The following ALG6 variants were observed in gnomAD, a reference collection of about 807,000 sequenced individuals.
ALG6 encodes dolichyl pyrophosphate Man9GlcNAc2 alpha-1,3-glucosyltransferase.
In ALG6, 46 loss-of-function variants were observed where a neutral mutation model predicts 66.6. The ratio of observed to expected loss-of-function variants is 0.69; its 90% CI spans 0.55 to 0.88. ALG6 has a LOEUF of 0.88. Among genes scored for constraint, ALG6 ranks in the 40% least tolerant of loss-of-function variants. ALG6 has a pLI of 0.00. For synonymous variants in ALG6, 185 were observed against 203.7 expected, an observed-to-expected ratio of 0.91 and a Z score of 0.78; for missense variants, 505 against 586.8, an observed-to-expected ratio of 0.86 and a Z score of 1.44.
At chr1:63,387,568 G>A (rs1359654392) in intron 2 of ALG6, among the ~76,000 whole-genome samples, 2 of 78,066 alleles carry the variant, frequency 2.6e-5, no homozygotes, top group Non-Finnish European at 4.6e-5. Flanking sequence ...TTGAGACAGA[G>A]TCTTGCTCTG....
chr1:63,402,686 C>G (rs1644471126), intron 4 of ALG6, among the ~76,000 whole-genome samples: 1 of 150,086 alleles, frequency 6.7e-6, no homozygotes, highest in Non-Finnish European at 1.5e-5. Flanking sequence ...AAGCTGGTCT[C>G]AAACTCCTGA....
In ALG6 at chr1:63,418,914, T is replaced by A. The variant is rs147020413; in HGVS notation, c.988-456T>A. On this transcript the variant is annotated intron_variant, in intron 11 of 14. Coordinates refer to ENST00000263440, the MANE Select transcript of ALG6 (RefSeq NM_013339.4). The stretch of plus-strand genomic sequence containing the variant: ...ACTTCTCAAAATAGATAATTTTTTT[T>A]AAACTCTAAATAGCACATTATTAAT... 7.6e-3 allele frequency among the ~76,000 whole-genome samples: 1,155 copies of A among 152,338 alleles called. 11 individuals are homozygous for A. Among genetic ancestry groups the A allele is most frequent in the African/African-American group, 0.024 (1,018 of 41,576 alleles).
At chr1:63,428,077 T>A (rs907250348) in intron 12 of ALG6, among the ~76,000 whole-genome samples, 2 of 152,154 alleles carry the variant, frequency 1.3e-5, no homozygotes, top group African/African-American at 4.8e-5. Context: ...ACCAAAGTAC[T>A]GGGATTACAG....
intron 3 of ALG6, 30 bp from the exon 4 acceptor site, chr1:63,402,224 A>G: frequency 7.8e-7 from 1 of 1,286,516 alleles, no homozygotes; most frequent in Non-Finnish European, 1.1e-6. Context: ...GATTAACGGA[A>G]TGGTGCTTTC....
At position 63,396,691 on chromosome 1, in the gene ALG6, G is replaced by A. The variant is rs1030547316; in HGVS notation, c.167+94G>A. Reference sequence around the variant, plus strand: ...GACAACACGCTATTTTCTTCATCTTGAACATCCTCATCTCTTGCATGCTGG... The same window carrying A: ...GACAACACGCTATTTTCTTCATCTTAAACATCCTCATCTCTTGCATGCTGG... On this transcript the variant is annotated intron_variant, in intron 3 of 14. Transcript: ENST00000263440. The A allele has an allele frequency of 2.7e-6, 3 of 1,106,786 alleles. No individual in the cohort carries two copies. The Admixed American group carries it at 5.6e-5, about 21-fold the overall frequency. The allele number at this position is 1,106,786 out of a possible 1,614,324, so 68.6% of individuals were successfully genotyped here. A position where few individuals can be genotyped will look rare whatever the true frequency, so the allele number is the denominator to read the frequency against.
At chr1:63,419,134 A>G (rs1644560636) in intron 11 of ALG6, among the ~76,000 whole-genome samples, 1 of 152,172 alleles carries the variant, frequency 6.6e-6, no homozygotes, top group African/African-American at 2.4e-5. Context: ...TAACTGAGTT[A>G]TGATGAACTT....
At chr1:63,390,351 G>A (rs66462357) in intron 2 of ALG6, among the ~76,000 whole-genome samples, 5,725 of 152,224 alleles carry the variant, frequency 0.038, 125 homozygotes, top group Non-Finnish European at 0.045. Context: ...ACTCTGCCTG[G>A]TACCTTATTT....
At chr1:63,371,143 A>G (rs1410773420) in intron 2 of ALG6, 84 bp downstream of exon 2, 2 of 910,750 alleles carry the variant, frequency 2.2e-6, no homozygotes, top group Admixed American at 3.5e-5. Flanking sequence ...CCATTTTCTG[A>G]CCAGTACAGA....
chr1:63,411,560 T>C (rs1166690672), intron 8 of ALG6, among the ~76,000 whole-genome samples: 1 of 152,178 alleles, frequency 6.6e-6, no homozygotes, highest in East Asian at 1.9e-4. Flanking sequence ...GTAGTGTGGA[T>C]TGGGTAGTTA....
At chr1:63,415,828 A>T (rs1210873989) in intron 10 of ALG6, 45 bp from the exon 11 acceptor site, 1 of 1,264,132 alleles carries the variant, frequency 7.9e-7, no homozygotes, top group Non-Finnish European at 1.1e-6. Flanking sequence ...CTAGATTTAT[A>T]CCTCTACAAA....
chr1:63,385,450 A>C (rs906879588), intron 2 of ALG6, among the ~76,000 whole-genome samples: 19 of 151,764 alleles, frequency 1.3e-4, no homozygotes, highest in Admixed American at 1.2e-3. Context: ...TGACCTTGTG[A>C]TCTGCCCATC....
chr1:63,372,572 A>G (rs1647966141), intron 2 of ALG6, among the ~76,000 whole-genome samples: 1 of 152,018 alleles, frequency 6.6e-6, no homozygotes, highest in South Asian at 2.1e-4. Context: ...ATATATGGAT[A>G]TACACAGACA....
chr1:63,393,627 G>A (rs568983867), intron 2 of ALG6, among the ~76,000 whole-genome samples: 4 of 152,288 alleles, frequency 2.6e-5, no homozygotes, highest in Non-Finnish European at 5.9e-5. Context: ...GGAATAAGAA[G>A]CATGAACAGA....
chr1:63,394,369 C>CT (rs902485761), intron 2 of ALG6, among the ~76,000 whole-genome samples: 61 of 149,968 alleles, frequency 4.1e-4, no homozygotes, highest in South Asian at 1.3e-3. Flanking sequence ...AGCTTTACAT[C>CT]TTTTTTTTTT....
intron 4 of ALG6, among the ~76,000 whole-genome samples, chr1:63,403,347 C>T (rs1361899421): frequency 1.3e-5 from 2 of 151,960 alleles, no homozygotes; most frequent in African/African-American, 4.8e-5. Context: ...AAGTTAGAAA[C>T]TAGAATAATT....
At chr1:63,408,955 T>C (rs531761798) in intron 7 of ALG6, among the ~76,000 whole-genome samples, 9 of 152,270 alleles carry the variant, frequency 5.9e-5, no homozygotes, top group African/African-American at 2.2e-4. Context: ...AATTTTTGTA[T>C]TTTTAGTAGA....
At chr1:63,394,065 T>A (rs556252584) in intron 2 of ALG6, among the ~76,000 whole-genome samples, 1 of 152,250 alleles carries the variant, frequency 6.6e-6, no homozygotes, top group Non-Finnish European at 1.5e-5. Context: ...TCTTAGAGAT[T>A]ATAGCGTTTA....
intron 2 of ALG6, among the ~76,000 whole-genome samples, chr1:63,394,835 A>G (rs1026631210): frequency 6.6e-6 from 1 of 151,704 alleles, no homozygotes; most frequent in African/African-American, 2.4e-5. Context: ...TTTCCCAGCT[A>G]TAAAGTGGGT....
At chr1:63,402,031 G>A (rs775615514) in intron 3 of ALG6, among the ~76,000 whole-genome samples, 5 of 152,150 alleles carry the variant, frequency 3.3e-5, no homozygotes, top group Non-Finnish European at 7.4e-5. Context: ...TTGTATGAGT[G>A]TTAGTCATTG....
Sources: allele counts gnomAD v4.1 joint callset (sites outside exome capture counted in the v4.1 genomes callset), GRCh38; gene constraint gnomAD v4.1.1; transcripts MANE v1.5; gene names NCBI Gene and HGNC (gene_info 2026-07-23, HGNC 2026-07-21).